The following ELMO1 variants were observed in gnomAD, a reference collection of about 807,000 sequenced individuals.
ELMO1 encodes the protein engulfment and cell motility protein 1.
A neutral mutation model predicts 98.9 loss-of-function variants in ELMO1; 26 were observed. The ratio of observed to expected loss-of-function variants is 0.26; its 90% CI spans 0.19 to 0.36. ELMO1 has a LOEUF of 0.36. Among genes scored for constraint, ELMO1 ranks in the 10% least tolerant of loss-of-function variants. The pLI is 1.00. For missense variants in ELMO1, 627 were observed against 935.2 expected (o/e 0.67, Z 4.30); for synonymous variants, 346 against 346.0 (o/e 1.00, Z 0.00).
At chr7:37,051,805 T>A (rs1158837395) in intron 15 of ELMO1, among the ~76,000 whole-genome samples, 1 of 152,232 alleles carries the variant, frequency 6.6e-6, no homozygotes, top group Non-Finnish European at 1.5e-5. Flanking sequence ...TCTGCAAATA[T>A]GTGAAAGGTG....
At chr7:37,229,096 G>T (rs1222242951) in intron 8 of ELMO1, among the ~76,000 whole-genome samples, 1 of 152,108 alleles carries the variant, frequency 6.6e-6, no homozygotes, top group Admixed American at 6.6e-5. Flanking sequence ...ATTTTTAAGA[G>T]GCAAAAATTA....
At position 37,376,807 on chromosome 7, in the gene ELMO1, C is replaced by T. The variant is rs75102926; in HGVS notation, c.-73-34044G>A. ...AACTCATTCCCTATTTCAACACCAC[C>T]GTCTCAGCGTTTTGGCTTTATCTGT... On this transcript the variant is annotated intron_variant, in intron 1 of 21. Coordinates refer to ENST00000310758, the MANE Select transcript of ELMO1 (RefSeq NM_014800.11). Among the ~76,000 whole-genome samples, 9 of 152,334 alleles carry T rather than the reference C, an allele frequency of 5.9e-5. No homozygotes were observed. In the East Asian group the frequency reaches 1.3e-3, roughly 23 times the overall value.
At chr7:37,188,748 T>C (rs956524005) in intron 13 of ELMO1, among the ~76,000 whole-genome samples, 5 of 152,152 alleles carry the variant, frequency 3.3e-5, no homozygotes, top group African/African-American at 9.7e-5. Context: ...GTAATATGCA[T>C]GGAAATCTTT....
intron 17 of ELMO1, 63 bp downstream of exon 17, chr7:36,894,791 G>T: frequency 6.2e-7 from 1 of 1,601,406 alleles, no homozygotes; most frequent in South Asian, 1.1e-5. Flanking sequence ...ATGACAGGCG[G>T]TCATTCTAGA....
intron 1 of ELMO1, among the ~76,000 whole-genome samples, chr7:37,356,717 A>G (rs1801514502): frequency 1.3e-5 from 2 of 152,002 alleles, no homozygotes; most frequent in Admixed American, 1.3e-4. Flanking sequence ...TGTGTAACAA[A>G]CCTGCACATT....
chr7:37,094,870 T>C (rs569197638), intron 15 of ELMO1, among the ~76,000 whole-genome samples: 7 of 152,324 alleles, frequency 4.6e-5, no homozygotes, highest in African/African-American at 1.7e-4. Flanking sequence ...CACAAGGCCC[T>C]AAGTAGCAGA....
chr7:37,199,021 A>C (rs1792130038), intron 13 of ELMO1, among the ~76,000 whole-genome samples: 1 of 152,208 alleles, frequency 6.6e-6, no homozygotes, highest in South Asian at 2.1e-4. Flanking sequence ...TTTCTCACAC[A>C]CATGCCTTTG....
intron 13 of ELMO1, among the ~76,000 whole-genome samples, chr7:37,136,802 T>C (rs1193681924): frequency 6.6e-6 from 1 of 150,912 alleles, no homozygotes; most frequent in Non-Finnish European, 1.5e-5. Context: ...TCAGAGGACC[T>C]TAAAGCATAA....
At chr7:37,310,906 G>T (rs557870760) in intron 4 of ELMO1, among the ~76,000 whole-genome samples, 59 of 152,260 alleles carry the variant, frequency 3.9e-4, no homozygotes, top group Non-Finnish European at 6.5e-4. Flanking sequence ...TGTGATGAGG[G>T]TCATAAACTA....
intron 15 of ELMO1, among the ~76,000 whole-genome samples, chr7:37,043,342 T>G (rs1388792932): frequency 6.6e-6 from 1 of 152,228 alleles, no homozygotes. Flanking sequence ...TATTAAAGGC[T>G]GCCAGGCAGC....
intron 13 of ELMO1, among the ~76,000 whole-genome samples, chr7:37,165,762 C>T (rs1214017944): frequency 2.6e-5 from 4 of 152,274 alleles, no homozygotes; most frequent in Admixed American, 6.5e-5. Context: ...AGGATTTTTG[C>T]ATCAATGTTC....
At chr7:37,383,665 C>G (rs745751201) in intron 1 of ELMO1, among the ~76,000 whole-genome samples, 1 of 151,940 alleles carries the variant, frequency 6.6e-6, no homozygotes, top group Non-Finnish European at 1.5e-5. Context: ...TTAATTATTC[C>G]TTCTATTATT....
At chr7:37,276,657 CTTAT>C (rs2130880221) in intron 4 of ELMO1, among the ~76,000 whole-genome samples, 1 of 152,280 alleles carries the variant, frequency 6.6e-6, no homozygotes, top group South Asian at 2.1e-4. Flanking sequence ...CTGCTAGACC[CTTAT>C]TTGTTTTTAG....
At chr7:37,226,758 C>T (rs4723620) in intron 8 of ELMO1, among the ~76,000 whole-genome samples, 10,075 of 152,102 alleles carry the variant, frequency 0.066, 602 homozygotes, top group East Asian at 0.2. Flanking sequence ...TGTCAAGCAC[C>T]CTCCGCCTCC....
chr7:37,316,739 G>A (rs562805214), intron 2 of ELMO1, among the ~76,000 whole-genome samples: 2 of 152,240 alleles, frequency 1.3e-5, no homozygotes, highest in East Asian at 1.9e-4. Context: ...TCAACCCAAA[G>A]AACAAATCAC....
chr7:37,302,442 T>C (rs530085327), intron 4 of ELMO1, among the ~76,000 whole-genome samples: 5 of 152,084 alleles, frequency 3.3e-5, no homozygotes, highest in Non-Finnish European at 7.4e-5. Context: ...TCTCTGGAAG[T>C]GCCCTCTTGT....
rs564811571 is a variant in ELMO1, at chr7:37,157,421, C to T, written c.1087-24187G>A. Among the ~76,000 whole-genome samples, 240 of 152,172 alleles carry T rather than the reference C, an allele frequency of 1.6e-3. 3 individuals carry two copies. Among genetic ancestry groups the T allele is most frequent in the African/African-American group, 4.7e-3 (196 of 41,506 alleles). Reference sequence around the variant, plus strand: ...TGATTGTATATCTAGAAAACCCCATCGTATCAGCCCAAAAATCTCCTTAAG... The same window carrying T: ...TGATTGTATATCTAGAAAACCCCATTGTATCAGCCCAAAAATCTCCTTAAG... On this transcript the variant is annotated intron_variant, in intron 13 of 21. Transcript: ENST00000310758.
At chr7:36,980,189 CTGA>C (rs1436481424) in intron 16 of ELMO1, among the ~76,000 whole-genome samples, 4 of 152,190 alleles carry the variant, frequency 2.6e-5, no homozygotes, top group African/African-American at 9.7e-5. Flanking sequence ...ACCCTGCATA[CTGA>C]TGATAATTCC....
At chr7:37,427,019 G>GA (rs201950175) in intron 1 of ELMO1, among the ~76,000 whole-genome samples, 4 of 149,698 alleles carry the variant, frequency 2.7e-5, no homozygotes, top group East Asian at 2.0e-4. Context: ...CTTTTTTCCC[G>GA]AAAAAAAGAA....
Sources: allele counts gnomAD v4.1 joint callset (sites outside exome capture counted in the v4.1 genomes callset), GRCh38; gene constraint gnomAD v4.1.1; transcripts MANE v1.5; gene names NCBI Gene and HGNC (gene_info 2026-07-23, HGNC 2026-07-21).